CPSF1: variants seen among roughly 807,000 people sequenced by gnomAD.
CPSF1 encodes the protein cleavage and polyadenylation specificity factor subunit 1.
Under a neutral mutation model 175.8 loss-of-function variants are expected in CPSF1, and 106 were observed. The observed-to-expected ratio is 0.60, with a 90% CI of 0.52 to 0.71. CPSF1 has a LOEUF of 0.71. CPSF1 is among the 30% of genes least tolerant of loss of function. The pLI, the probability that CPSF1 is intolerant of heterozygous loss-of-function variation, is 0.00. For missense variants in CPSF1, 1,734 were observed against 2,022.9 expected (o/e 0.86, Z 2.74); for synonymous variants, 1,024 against 858.3 (o/e 1.19, Z -3.37).
In CPSF1 at chr8:144,396,459, G is replaced by A. The variant is rs536436984; in HGVS notation, c.2868C>T (p.Thr956=). 102 of 1,603,136 alleles carry A rather than the reference G, an allele frequency of 6.4e-5. No homozygotes were observed. In the Middle Eastern group the frequency reaches 1.5e-3, roughly 23 times the overall value. Residue 956 remains threonine, a synonymous_variant, in exon 26 of 38, where the codon ACC becomes ACT. Coordinates refer to ENST00000616140, the MANE Select transcript of CPSF1 (RefSeq NM_013291.3). ...CGPSPHWLLV[T]GRGALRLHPM... ...GGTGTAGCCGCAGAGCCCCTCGGCC[G>A]GTCACCAAGAGCCAGTGAGGGGAGG... is the stretch of plus-strand genomic sequence containing the variant.
chr8:144,409,313 G>A lies in CPSF1; in HGVS notation c.-39C>T, dbSNP rs2116914155. The A allele has an allele frequency of 5.3e-6, 3 of 561,364 alleles. No individual in the cohort carries two copies. The highest frequency in any genetic ancestry group is 7.6e-6 in the Non-Finnish European group (3 of 394,264). The allele number at this position is 561,364 out of a possible 1,614,324, so 34.8% of individuals were successfully genotyped here. A position where few individuals can be genotyped will look rare whatever the true frequency, so the allele number is the denominator to read the frequency against. Reference sequence around the variant, plus strand: ...CCTGGCAGTTGGAGCCGACTCGAGAGGAACCGGGACAGCAGCGAACTCAGT... The same window carrying A: ...CCTGGCAGTTGGAGCCGACTCGAGAAGAACCGGGACAGCAGCGAACTCAGT... On this transcript the variant is annotated 5_prime_UTR_variant, in exon 1 of 38. Transcript: ENST00000616140.
Position 144,398,860 on chromosome 8 carries a change from G to A in CPSF1, c.1557C>T (p.Ile519=), listed in dbSNP as rs2116855582. The change falls in exon 17 of 38, where the codon ATC becomes ATT. Residue 519 remains isoleucine (I), a synonymous_variant. Transcript: ENST00000616140. Reference sequence around the variant, plus strand: ...CAAAGGTTGTCACCACCTGGGGCCGGATGCTCTTCTAGAATGATGATGGGG... The same window carrying A: ...CAAAGGTTGTCACCACCTGGGGCCGAATGCTCTTCTAGAATGATGATGGGG... ...NGALSVLQKS[I]RPQVVTTFEL... 3.1e-6 allele frequency: 5 copies of A among 1,610,182 alleles called. No homozygotes were observed. In the South Asian group the frequency reaches 3.3e-5, roughly 11 times the overall value.
chr8:144,394,315 G>A lies in CPSF1; in HGVS notation c.3745-15C>T. On this transcript the variant is annotated splice_polypyrimidine_tract_variant and intron_variant, in intron 32 of 37. Transcript: ENST00000616140. ...GGCTTGGCATCCTGGGGGCGGGAAG[G>A]GGGCGTCAGAGGTGCCTTGGGCGGG... The A allele has an allele frequency of 1.3e-6, 2 of 1,585,558 alleles. No homozygotes were observed. Among genetic ancestry groups the A allele is most frequent in the Non-Finnish European group, 1.7e-6 (2 of 1,163,726 alleles).
Position 144,397,518 on chromosome 8 carries a change from C to G in CPSF1, c.2354G>C (p.Cys785Ser). ...APFRAEPTHWCLLVRENGTME... is the reference protein window; with the variant it reads ...APFRAEPTHWSLLVRENGTME... ...GGTGCCATTCTCCCGCACCAGCAGG[C>G]ACCAGTGGGTAGGCTCTGCCCGGAA... Residue 785 changes from cysteine to serine, a missense_variant, in exon 22 of 38, where the codon TGC becomes TCC. Physicochemically the swap from Cys to Ser is moderately radical, Grantham distance 112 (BLOSUM62 -1). Coordinates refer to ENST00000616140, the MANE Select transcript of CPSF1 (RefSeq NM_013291.3). The G allele has an allele frequency of 6.3e-7, 1 of 1,584,262 alleles. No homozygotes were observed. Among genetic ancestry groups the G allele is most frequent in the South Asian group, 1.1e-5 (1 of 87,666 alleles).
intron 20 of CPSF1, 30 bp from the exon 21 acceptor site, chr8:144,397,909 G>A (rs782247889): frequency 2.9e-5 from 47 of 1,598,804 alleles, no homozygotes; most frequent in East Asian, 6.7e-5. Flanking sequence ...CTCAGCGGCG[G>A]GCAAGGGGCA....
rs2116853909 is a variant in CPSF1, at chr8:144,398,716, C to T, written c.1638+63G>A. The T allele has an allele frequency of 2.5e-4, 394 of 1,596,478 alleles. 1 individual carries two copies. The East Asian group carries it at 8.5e-3, about 34-fold the overall frequency. ...CACGCAGGTGCGACCTGGGCACCCC[C>T]GGCCTATGAGAAGGCAGCGCCGGTC... is the stretch of plus-strand genomic sequence containing the variant. On this transcript the variant is annotated intron_variant, in intron 17 of 37. Transcript: ENST00000616140.
intron 2 of CPSF1, among the ~76,000 whole-genome samples, chr8:144,403,004 G>A (rs936324038): frequency 6.6e-6 from 1 of 152,024 alleles, no homozygotes; most frequent in South Asian, 2.1e-4. Context: ...TCAAAATTAA[G>A]GAGAAAAATC....
chr8:144,409,006 C>T lies in CPSF1; in HGVS notation c.144+9G>A, dbSNP rs2116912638. On this transcript the variant is annotated intron_variant, in intron 2 of 37. Coordinates refer to ENST00000616140, the MANE Select transcript of CPSF1 (RefSeq NM_013291.3). ...GGACAGCCGGGAGGGCTCCCAGGGC[C>T]CGACCTACCTCGGCGTCGCGGTTGA... 1.2e-6 allele frequency: 2 copies of T among 1,611,990 alleles called. No homozygotes were observed. The highest frequency in any genetic ancestry group is 3.3e-5 in the Admixed American group (2 of 59,810).
rs1820423041 is a variant in CPSF1 at position 144,393,235 on chromosome 8, G to A, written c.*83C>T. 2 of 1,410,336 alleles carry A rather than the reference G, an allele frequency of 1.4e-6. No individual in the cohort carries two copies. Among genetic ancestry groups the A allele is most frequent in the Admixed American group, 2.6e-5 (1 of 38,676 alleles). 87.4% of individuals were successfully genotyped at this position (1,410,336 alleles called of 1,614,324 possible). On this transcript the variant is annotated 3_prime_UTR_variant, in exon 38 of 38. Transcript: ENST00000616140. Reference sequence around the variant, plus strand: ...TGTAATGACCACACACTCCTCTCAAGCAAAAAATGTTTTTCCTTGTGTTTT... The same window carrying A: ...TGTAATGACCACACACTCCTCTCAAACAAAAAATGTTTTTCCTTGTGTTTT...
chr8:144,399,921 G>A lies in CPSF1; in HGVS notation c.1032-53C>T. Reference sequence around the variant, plus strand: ...GGATGGGGACCCTGGGGGAGTGAAGGGGGCCAGGGGACCCTACAGGACTTG... The same window carrying A: ...GGATGGGGACCCTGGGGGAGTGAAGAGGGCCAGGGGACCCTACAGGACTTG... On this transcript the variant is annotated intron_variant, in intron 10 of 37. Coordinates refer to ENST00000616140, the MANE Select transcript of CPSF1 (RefSeq NM_013291.3). The surrounding 1 kb of genome is among the most constrained non-coding windows in gnomAD (Gnocchi z 6.4). 3 of 1,563,756 alleles carry A rather than the reference G, an allele frequency of 1.9e-6. No individual in the cohort carries two copies. The highest frequency in any genetic ancestry group is 2.6e-6 in the Non-Finnish European group (3 of 1,149,794).
chr8:144,396,458 C>T lies in CPSF1; in HGVS notation c.2869G>A (p.Gly957Ser), dbSNP rs782338628. The T allele has an allele frequency of 1.8e-5, 29 of 1,602,782 alleles. 1 individual carries two copies. The Middle Eastern group carries it at 7.5e-4, about 42-fold the overall frequency. Residue 957 changes from glycine to serine, a missense_variant, in exon 26 of 38, where the codon GGC becomes AGC. Transcript: ENST00000616140. ...GPSPHWLLVTGRGALRLHPMA... is the reference protein window; with the variant it reads ...GPSPHWLLVTSRGALRLHPMA... ...GGGTGTAGCCGCAGAGCCCCTCGGC[C>T]GGTCACCAAGAGCCAGTGAGGGGAG...
chr8:144,407,709 AC>A (rs1301540120), intron 2 of CPSF1, among the ~76,000 whole-genome samples: 3 of 152,060 alleles, frequency 2.0e-5, no homozygotes, highest in African/African-American at 4.8e-5. Context: ...ACCAGGAAAA[AC>A]AAAAAAAAAA....
intron 2 of CPSF1, among the ~76,000 whole-genome samples, chr8:144,403,072 C>T (rs1554867858): frequency 6.6e-6 from 1 of 150,746 alleles, no homozygotes; most frequent in African/African-American, 2.4e-5. Context: ...GATAAAAACT[C>T]CTAGTAAAGC....
chr8:144,399,213 G>A lies in CPSF1; in HGVS notation c.1393-11C>T, dbSNP rs2116860339. 2 of 1,610,952 alleles carry A rather than the reference G, an allele frequency of 1.2e-6. No homozygotes were observed. Among genetic ancestry groups the A allele is most frequent in the Middle Eastern group, 1.7e-4 (1 of 6,056 alleles). The stretch of plus-strand genomic sequence containing the variant: ...GATGCTGTCACACACCTGCGGCACA[G>A]CAAGAGTCAGGGGCCCGCTGGGGGC... On this transcript the variant is annotated splice_polypyrimidine_tract_variant and intron_variant, in intron 14 of 37. Transcript: ENST00000616140. The surrounding 1 kb of genome is among the most constrained non-coding windows in gnomAD (Gnocchi z 6.4).
chr8:144,393,981 G>A lies in CPSF1; in HGVS notation c.3917C>T (p.Ala1306Val). 6.2e-7 allele frequency: 1 copy of A among 1,613,518 alleles called. No individual in the cohort carries two copies. Among genetic ancestry groups the A allele is most frequent in the Non-Finnish European group, 8.5e-7 (1 of 1,179,826 alleles). Reference protein sequence around the residue: ...LLRRADFHVGAHVNTFWRTPC... With the variant: ...LLRRADFHVGVHVNTFWRTPC... ...GGTCCTCCAGAACGTGTTCACGTGG[G>A]CACCCACGTGGAAGTCTGCCCGACG... Residue 1306 changes from alanine (A) to valine (V), a missense_variant, in exon 35 of 38, where the codon GCC becomes GTC. Physicochemically the swap from Ala to Val is moderately conservative, Grantham distance 64. Transcript: ENST00000616140.
chr8:144,406,756 T>C (rs1554869183), intron 2 of CPSF1, among the ~76,000 whole-genome samples: 3 of 152,172 alleles, frequency 2.0e-5, no homozygotes, highest in South Asian at 2.1e-4. Context: ...TCTGCACTGC[T>C]ACCTGATGTG....
intron 25 of CPSF1, 42 bp from the exon 26 acceptor site, chr8:144,396,542 G>T (rs1440564417): frequency 1.9e-6 from 3 of 1,608,642 alleles, no homozygotes; most frequent in Admixed American, 1.7e-5. Flanking sequence ...TGAGGATGCT[G>T]CGGATGAGGC....
chr8:144,401,538 G>A lies in CPSF1; in HGVS notation c.198C>T (p.Leu66=), dbSNP rs2116885470. Reference sequence around the variant, plus strand: ...AGAAGGAGAAGGAGGCAGCAAGCTCGAGCTTCTCCCGGTGGGCCTTCCCCT... The same window carrying A: ...AGAAGGAGAAGGAGGCAGCAAGCTCAAGCTTCTCCCGGTGGGCCTTCCCCT... ...STEGKAHREK[L]ELAASFSFFG... The change falls in exon 4 of 38, where the codon CTC becomes CTT. Residue 66 remains leucine (L), a synonymous_variant. Coordinates refer to ENST00000616140, the MANE Select transcript of CPSF1 (RefSeq NM_013291.3). The A allele has an allele frequency of 2.5e-5, 41 of 1,613,852 alleles. No individual in the cohort carries two copies. The South Asian group carries it at 3.3e-4, about 13-fold the overall frequency.
At chr8:144,404,918 G>A (rs1414284296) in intron 2 of CPSF1, among the ~76,000 whole-genome samples, 3 of 151,744 alleles carry the variant, frequency 2.0e-5, no homozygotes, top group African/African-American at 4.8e-5. Context: ...TTAGTCGGGC[G>A]CCTGTAGTCC....
Sources: gnomAD v4.1 joint callset for allele counts (sites outside exome capture counted in the v4.1 genomes callset) on GRCh38, gnomAD v4.1.1 for gene constraint, Gnocchi (gnomAD v3.1) non-coding constraint, MANE v1.5 for transcripts, NCBI Gene and HGNC (gene_info 2026-07-23, HGNC 2026-07-21) for gene names.